The following AHNAK variants were observed in gnomAD, a reference collection of about 807,000 sequenced individuals.
AHNAK encodes neuroblast differentiation-associated protein AHNAK.
Under a neutral mutation model 37.8 loss-of-function variants are expected in AHNAK, and 23 were observed. The observed-to-expected ratio is 0.61, with a 90% CI of 0.44 to 0.86. The LOEUF (loss-of-function observed/expected upper bound fraction) is 0.86, where lower values mean the gene tolerates loss of function less well. Among genes scored for constraint, AHNAK ranks in the 40% least tolerant of loss-of-function variants. The probability of loss-of-function intolerance (pLI) is 0.00; values close to 1 mark genes in which losing one functional copy is unlikely to be tolerated. For synonymous variants in AHNAK, 2,481 were observed against 2,636.3 expected (o/e 0.94, Z 1.80); for missense variants, 7,411 against 7,319.4 (o/e 1.01, Z -0.46).
chr11:62,471,904 TG>T (rs986494400), intron 5 of AHNAK, among the ~76,000 whole-genome samples: 10 of 151,938 alleles, frequency 6.6e-5, no homozygotes, highest in Non-Finnish European at 5.9e-5. Context: ...AGAGGTGAGA[TG>T]GACAGGGAGA....
intron 5 of AHNAK, among the ~76,000 whole-genome samples, chr11:62,464,005 T>C (rs1386336428): frequency 6.6e-6 from 1 of 151,558 alleles, no homozygotes; most frequent in Non-Finnish European, 1.5e-5. Context: ...CCTGATCTCG[T>C]GATCCGCCCG....
intron 5 of AHNAK, among the ~76,000 whole-genome samples, chr11:62,459,293 G>A (rs1565201142): frequency 6.6e-6 from 1 of 152,174 alleles, no homozygotes; most frequent in Non-Finnish European, 1.5e-5. Context: ...TCAGGGCACT[G>A]GAAATGGATC....
chr11:62,466,028 C>G (rs1279334451), intron 5 of AHNAK, among the ~76,000 whole-genome samples: 1 of 152,114 alleles, frequency 6.6e-6, no homozygotes, highest in Admixed American at 6.6e-5. Context: ...CAATTTATAT[C>G]TCTAGCCTGG....
At chr11:62,437,859 GGTGGGTGTGTAGTAGTATCTTTTT>G (rs1938210583) in intron 5 of AHNAK, among the ~76,000 whole-genome samples, 1 of 152,118 alleles carries the variant, frequency 6.6e-6, no homozygotes, top group Non-Finnish European at 1.5e-5. Flanking sequence ...TAGCTATTAT[GGTGGGTGTGTAGTAGTATCTTTTT>G]GTGGGAGTTT....
At chr11:62,465,246 G>A (rs139670637) in intron 5 of AHNAK, among the ~76,000 whole-genome samples, 2 of 152,252 alleles carry the variant, frequency 1.3e-5, no homozygotes, top group African/African-American at 4.8e-5. Context: ...CGAAAGATAT[G>A]TTGAACTCCT....
At chr11:62,442,118 T>C (rs1245634306) in intron 5 of AHNAK, among the ~76,000 whole-genome samples, 2 of 152,210 alleles carry the variant, frequency 1.3e-5, no homozygotes, top group Non-Finnish European at 2.9e-5. Context: ...CAAGATTATA[T>C]CAAAGGGACA....
intron 4 of AHNAK, among the ~76,000 whole-genome samples, chr11:62,500,237 G>A (rs958566276): frequency 6.6e-6 from 1 of 152,112 alleles, no homozygotes; most frequent in Non-Finnish European, 1.5e-5. Context: ...CGTAGTAAAC[G>A]CAAAGGAATG....
In AHNAK at chr11:62,533,828, C is replaced by G; in HGVS notation, c.589G>C (p.Val197Leu). 1 of 1,614,194 alleles carries G rather than the reference C, an allele frequency of 6.2e-7. No homozygotes were observed. The highest frequency in any genetic ancestry group is 8.5e-7 in the Non-Finnish European group (1 of 1,180,030). ...ACGGTCTTCCCAGACTGGGTCTCCA[C>G]ATCCACATTGGAGATTTCAGTCAGT... ...HELTEISNVDVETQSGKTVIR... is the reference protein window; with the variant it reads ...HELTEISNVDLETQSGKTVIR... Residue 197 changes from valine to leucine, a missense_variant, in exon 5 of 5, where the codon GTG becomes CTG. By Grantham distance (32) the Val-to-Leu change is conservative. Coordinates refer to ENST00000378024, the MANE Select transcript of AHNAK (RefSeq NM_001620.3).
chr11:62,516,451 T>C lies in AHNAK; in HGVS notation c.*293A>G. 1 of 1,286,186 alleles carries C rather than the reference T, an allele frequency of 7.8e-7. No individual in the cohort carries two copies. The highest frequency in any genetic ancestry group is 9.9e-7 in the Non-Finnish European group (1 of 1,007,560). 79.7% of individuals were successfully genotyped at this position (1,286,186 alleles called of 1,614,324 possible). ...ATAATAAACACAAAAGCTTGCTTAG[T>C]AAACAGGAGCTCTCAGCAGTCAATG... On this transcript the variant is annotated 3_prime_UTR_variant, in exon 5 of 5. Coordinates refer to ENST00000378024, the MANE Select transcript of AHNAK (RefSeq NM_001620.3).
chr11:62,546,057 G>C (rs1053327013), intron 1 of AHNAK: 10 of 152,952 alleles, frequency 6.5e-5, no homozygotes, highest in Non-Finnish European at 1.3e-4. Flanking sequence ...TTCTGGAGCG[G>C]GGAACGCGGA....
At position 62,528,608 on chromosome 11, in the gene AHNAK, T is replaced by C; in HGVS notation, c.5809A>G (p.Lys1937Glu). 1 of 1,610,220 alleles carries C rather than the reference T, an allele frequency of 6.2e-7. No individual in the cohort carries two copies. Among genetic ancestry groups the C allele is most frequent in the Non-Finnish European group, 8.5e-7 (1 of 1,179,196 alleles). Reference sequence around the variant, plus strand: ...GGCACCGACACATCCACATCCCCTTTGACTTTGGGGCCTTTCAAGTGTAAG... The same window carrying C: ...GGCACCGACACATCCACATCCCCTTCGACTTTGGGGCCTTTCAAGTGTAAG... The part of the protein sequence containing the change: ...VDLHLKGPKV[K>E]GDVDVSVPKL... Residue 1937 changes from lysine (K) to glutamate (E), a missense_variant, in exon 5 of 5, where the codon AAA becomes GAA. By Grantham distance (56) the Lys-to-Glu change is moderately conservative (BLOSUM62 1). Coordinates refer to ENST00000378024, the MANE Select transcript of AHNAK (RefSeq NM_001620.3).
chr11:62,519,172 T>G lies in AHNAK; in HGVS notation c.15245A>C (p.Lys5082Thr), dbSNP rs767155524. Residue 5082 changes from lysine to threonine, a missense_variant, in exon 5 of 5, where the codon AAA becomes ACA. Physicochemically the swap from Lys to Thr is moderately conservative, Grantham distance 78. Coordinates refer to ENST00000378024, the MANE Select transcript of AHNAK (RefSeq NM_001620.3). ...KVDVKSPKTK[K>T]TMFGKMYFPD... ...GAAGTACATTTTTCCAAACATCGTTTTCTTGGTTTTGGGCGATTTCACGTC... is the reference window on the plus strand; with the variant it reads ...GAAGTACATTTTTCCAAACATCGTTGTCTTGGTTTTGGGCGATTTCACGTC... 6.2e-7 allele frequency: 1 copy of G among 1,613,432 alleles called. No individual in the cohort carries two copies. The highest frequency in any genetic ancestry group is 8.5e-7 in the Non-Finnish European group (1 of 1,179,832).
At position 62,520,127 on chromosome 11, in the gene AHNAK, T is replaced by C. The variant is rs750309727; in HGVS notation, c.14290A>G (p.Ile4764Val). 1 of 1,612,826 alleles carries C rather than the reference T, an allele frequency of 6.2e-7. No homozygotes were observed. Among genetic ancestry groups the C allele is most frequent in the Non-Finnish European group, 8.5e-7 (1 of 1,179,734 alleles). Residue 4764 changes from isoleucine (I) to valine (V), a missense_variant, in exon 5 of 5, where the codon ATC becomes GTC. Transcript: ENST00000378024. ...TGAACATCCACATCAGGGGTGTTGATGTCCACTTTTGGGCCCTTGATGTCA... is the reference window on the plus strand; with the variant it reads ...TGAACATCCACATCAGGGGTGTTGACGTCCACTTTTGGGCCCTTGATGTCA... ...EADIKGPKVD[I>V]NTPDVDVHGP...
chr11:62,499,202 C>T (rs925569340), intron 4 of AHNAK, among the ~76,000 whole-genome samples: 16 of 152,174 alleles, frequency 1.1e-4, no homozygotes, highest in African/African-American at 3.6e-4. Context: ...GGGTTTAAGG[C>T]TTTAGTGCAG....
intron 5 of AHNAK, among the ~76,000 whole-genome samples, chr11:62,454,711 G>A (rs1168778307): frequency 6.6e-6 from 1 of 152,028 alleles, no homozygotes; most frequent in Non-Finnish European, 1.5e-5. Context: ...GGGGAGAAGA[G>A]TGGGAGGGGG....
chr11:62,473,696 A>T (rs1344531196), intron 5 of AHNAK, among the ~76,000 whole-genome samples: 1 of 137,216 alleles, frequency 7.3e-6, no homozygotes, highest in Admixed American at 7.4e-5. Flanking sequence ...AAAAAAAAAA[A>T]GCTGTATAAA....
At position 62,523,295 on chromosome 11, in the gene AHNAK, T is replaced by C. The variant is rs775221158; in HGVS notation, c.11122A>G (p.Lys3708Glu). 1 of 1,614,084 alleles carries C rather than the reference T, an allele frequency of 6.2e-7. No homozygotes were observed. Among genetic ancestry groups the C allele is most frequent in the South Asian group, 1.1e-5 (1 of 91,054 alleles). Residue 3708 changes from lysine (K) to glutamate (E), a missense_variant, in exon 5 of 5, where the codon AAG (lysine) becomes GAG (glutamate). Transcript: ENST00000378024. ...GDLKGPEVDI[K>E]GPKVDIDTPD... ...GTGTCAATGTCCACTTTGGGGCCCT[T>C]GATGTCCACCTCAGGGCCTTTTAGA... is the stretch of plus-strand genomic sequence containing the variant.
In AHNAK at chr11:62,535,911, A is replaced by T. The variant is rs113886991; in HGVS notation, c.154+34T>A. The T allele has an allele frequency of 0.032, 49,840 of 1,579,708 alleles. 1,110 individuals are homozygous for T. Among genetic ancestry groups the T allele is most frequent in the African/African-American group, 0.11 (8,236 of 73,460 alleles). On this transcript the variant is annotated intron_variant, in intron 3 of 4. Transcript: ENST00000378024. ...CAACACCCCCACCGACCCCCCAACC[A>T]CCAGCACCCAGTCCACACCCTGGGG...
chr11:62,466,677 C>A (rs1185218300), intron 5 of AHNAK, among the ~76,000 whole-genome samples: 1 of 152,174 alleles, frequency 6.6e-6, no homozygotes, highest in African/African-American at 2.4e-5. Flanking sequence ...ATCATCGCAT[C>A]TTGCCTCACT....
Sources: allele counts gnomAD v4.1 joint callset (sites outside exome capture counted in the v4.1 genomes callset), GRCh38; gene constraint gnomAD v4.1.1; transcripts MANE v1.5; gene names NCBI Gene and HGNC (gene_info 2026-07-23, HGNC 2026-07-21).